Variants in LRRC37A2 observed in about 807,000 individuals in gnomAD.
LRRC37A2 encodes the protein leucine-rich repeat-containing protein 37A2.
LRRC37A2 carries 9 observed loss-of-function variants against 68.8 expected under a neutral mutation model. The observed-to-expected ratio is 0.13, with a 90% CI of 0.08 to 0.23. The LOEUF (loss-of-function observed/expected upper bound fraction) is 0.23. LRRC37A2 is among the 10% of genes least tolerant of loss of function. The pLI, the probability that LRRC37A2 is intolerant of heterozygous loss-of-function variation, is 1.00. For missense variants in LRRC37A2, 168 were observed against 950.4 expected, an observed-to-expected ratio of 0.18 and a Z score of 10.82; for synonymous variants, 63 against 367.6, an observed-to-expected ratio of 0.17 and a Z score of 9.48.
the LRRC37A2 span, among the ~76,000 whole-genome samples, chr17:46,819,443 G>C: frequency 6.6e-6 from 1 of 152,180 alleles, no homozygotes; most frequent in Middle Eastern, 3.2e-3. This position sits in a 1 kb window ranked among gnomAD's most constrained non-coding sequence, Gnocchi z 5.3. Context: ...CGCATTTCCT[G>C]CTCTCGGAGT....
chr17:46,859,148 G>T, the LRRC37A2 span, among the ~76,000 whole-genome samples: 9 of 151,592 alleles, frequency 5.9e-5, no homozygotes, highest in Non-Finnish European at 1.2e-4. Context: ...AGCTAATTTT[G>T]TATTTTTAGT....
At chr17:46,707,957 C>T in the LRRC37A2 span, among the ~76,000 whole-genome samples, 6 of 150,022 alleles carry the variant, frequency 4.0e-5, no homozygotes, top group East Asian at 4.0e-4. Flanking sequence ...CATTTGGATC[C>T]GGGAGGTGGA....
rs766255014 is a variant in LRRC37A2 at position 46,537,077 on chromosome 17, ATTTTTTTTTTT to A, written c.2907-3080_2907-3070del. Among the ~76,000 whole-genome samples, 302 of 34,816 alleles carry A rather than the reference ATTTTTTTTTTT, an allele frequency of 8.7e-3. 5 individuals are homozygous for A. The highest frequency in any genetic ancestry group is 0.037 in the African/African-American group (190 of 5,126). The allele number at this position is 34,816 out of a possible 152,430, so 22.8% of individuals were successfully genotyped here. A position where few individuals can be genotyped will look rare whatever the true frequency, so the allele number is the denominator to read the frequency against. On this transcript the variant is annotated intron_variant, in intron 6 of 14. Transcript: ENST00000576629. ...GTTCTGAAAAAGTTTATTGTGGTCA[ATTTTTTTTTTT>A]TTTTTTTTTTTTTTTTTTGCTATTT... is the stretch of plus-strand genomic sequence containing the variant.
chr17:46,801,887 T>C, the LRRC37A2 span, among the ~76,000 whole-genome samples: 2 of 152,160 alleles, frequency 1.3e-5, no homozygotes, highest in Non-Finnish European at 2.9e-5. Flanking sequence ...CTAGTGGAAC[T>C]GTTTCCCCGC....
At chr17:46,979,312 C>A in the LRRC37A2 span, 1 of 220,076 alleles carries the variant, frequency 4.5e-6, no homozygotes, top group Non-Finnish European at 9.3e-6. Context: ...CTAGCAACGG[C>A]CCGGCCCCGC....
At chr17:46,734,113 T>C in the LRRC37A2 span, among the ~76,000 whole-genome samples, 12 of 152,300 alleles carry the variant, frequency 7.9e-5, no homozygotes, top group East Asian at 1.5e-3. Flanking sequence ...ACTTCAGATA[T>C]GGTTATAGGA....
At chr17:46,925,230 T>C in the LRRC37A2 span, among the ~76,000 whole-genome samples, 1 of 152,226 alleles carries the variant, frequency 6.6e-6, no homozygotes, top group South Asian at 2.1e-4. Context: ...CCATAGACAA[T>C]ATGTAAACTA....
At chr17:46,496,744 G>A in the LRRC37A2 span, among the ~76,000 whole-genome samples, 7 of 131,094 alleles carry the variant, frequency 5.3e-5, no homozygotes, top group East Asian at 1.5e-3. Context: ...GTGAAACCCC[G>A]TCTCTACTAA....
the LRRC37A2 span, among the ~76,000 whole-genome samples, chr17:46,843,062 A>C: frequency 6.6e-6 from 1 of 152,250 alleles, no homozygotes; most frequent in Admixed American, 6.5e-5. Context: ...GTGGTATTGC[A>C]ACCAGGCCAC....
chr17:46,865,320 C>A, the LRRC37A2 span, among the ~76,000 whole-genome samples: 2 of 152,236 alleles, frequency 1.3e-5, no homozygotes, highest in East Asian at 3.9e-4. Flanking sequence ...CTGCAGGCAG[C>A]CTGGTCTGCG....
At chr17:46,849,699 A>C in the LRRC37A2 span, among the ~76,000 whole-genome samples, 2 of 152,198 alleles carry the variant, frequency 1.3e-5, no homozygotes, top group Non-Finnish European at 2.9e-5. Flanking sequence ...TGATGGGAAT[A>C]TTTAAGGCAC....
chr17:46,557,339 C>G, downstream of LRRC37A2: 1 of 358,786 alleles, frequency 2.8e-6, no homozygotes, highest in Non-Finnish European at 4.6e-6. Flanking sequence ...GATGGGGTTG[C>G]ACCACTGGCT....
the LRRC37A2 span, among the ~76,000 whole-genome samples, chr17:46,775,064 A>T: frequency 1.3e-5 from 2 of 152,322 alleles, no homozygotes; most frequent in South Asian, 4.1e-4. Flanking sequence ...AGAAGACCCC[A>T]TGGGGCAGGG....
At chr17:46,852,045 CGTCA>C in the LRRC37A2 span, among the ~76,000 whole-genome samples, 1 of 152,250 alleles carries the variant, frequency 6.6e-6, no homozygotes, top group Non-Finnish European at 1.5e-5. Flanking sequence ...CCCGTTCAGG[CGTCA>C]GTCCCGCTCT....
chr17:47,024,613 G>A, the LRRC37A2 span: 1 of 1,054,826 alleles, frequency 9.5e-7, no homozygotes, highest in Admixed American at 1.7e-5. Flanking sequence ...ACATGCAGGA[G>A]ACAGTCCTGT....
the LRRC37A2 span, among the ~76,000 whole-genome samples, chr17:46,866,476 G>A: frequency 6.6e-6 from 1 of 152,114 alleles, no homozygotes; most frequent in Admixed American, 6.5e-5. Context: ...GAGTGTGTGT[G>A]TGTATTTGTG....
At chr17:46,894,357 G>T in the LRRC37A2 span, among the ~76,000 whole-genome samples, 1 of 152,168 alleles carries the variant, frequency 6.6e-6, no homozygotes, top group Non-Finnish European at 1.5e-5. Flanking sequence ...AACAAGGGGG[G>T]TCAGCCTACC....
chr17:46,779,103 A>ACCCCCCCCC, the LRRC37A2 span, among the ~76,000 whole-genome samples: 1 of 133,590 alleles, frequency 7.5e-6, no homozygotes, highest in Admixed American at 7.8e-5. Context: ...ACACACACAC[A>ACCCCCCCCC]CCCCAGCCCA....
chr17:46,829,578 G>A, the LRRC37A2 span, among the ~76,000 whole-genome samples: 1 of 152,184 alleles, frequency 6.6e-6, no homozygotes, highest in Non-Finnish European at 1.5e-5. Context: ...CTCCCTGAGT[G>A]TGTTTCGGGG....
Sources: allele counts gnomAD v4.1 joint callset (sites outside exome capture counted in the v4.1 genomes callset), GRCh38; gene constraint gnomAD v4.1.1; non-coding constraint Gnocchi (gnomAD v3.1); transcripts MANE v1.5; gene names NCBI Gene and HGNC (gene_info 2026-07-23, HGNC 2026-07-21).